The following FOXP2 variants were observed in gnomAD, a reference collection of about 807,000 sequenced individuals.
The protein encoded by FOXP2 is forkhead box protein P2.
Under a neutral mutation model 115.8 loss-of-function variants are expected in FOXP2, and 12 were observed. That is an observed-to-expected ratio of 0.10 (90% confidence interval 0.07 to 0.17). The LOEUF (loss-of-function observed/expected upper bound fraction) is 0.17, where lower values mean the gene tolerates loss of function less well. Among genes scored for constraint, FOXP2 ranks in the 10% least tolerant of loss-of-function variants. FOXP2 has a pLI of 1.00. For synonymous variants in FOXP2, 328 were observed against 297.7 expected, an observed-to-expected ratio of 1.10 and a Z score of -1.05; for missense variants, 629 against 843.5, an observed-to-expected ratio of 0.75 and a Z score of 3.15.
intron 2 of FOXP2, among the ~76,000 whole-genome samples, chr7:114,462,537 A>G (rs894268843): frequency 1.3e-5 from 2 of 151,462 alleles, no homozygotes; most frequent in African/African-American, 4.8e-5. Context: ...ACGCCCTGCT[A>G]ATTTTTGTAT....
intron 2 of FOXP2, among the ~76,000 whole-genome samples, chr7:114,461,193 C>T (rs1267873820): frequency 6.6e-6 from 1 of 152,134 alleles, no homozygotes; most frequent in Non-Finnish European, 1.5e-5. Context: ...TTAGCTTAAA[C>T]TCACCTTAAG....
At chr7:114,245,821 G>T (rs1795268687) in intron 1 of FOXP2, among the ~76,000 whole-genome samples, 1 of 151,332 alleles carries the variant, frequency 6.6e-6, no homozygotes, top group Admixed American at 6.6e-5. Context: ...AAAAAGAACA[G>T]AAAAAAATTT....
At chr7:114,680,640 A>G (rs952711710) in intron 16 of FOXP2, among the ~76,000 whole-genome samples, 8 of 151,748 alleles carry the variant, frequency 5.3e-5, no homozygotes, top group Non-Finnish European at 7.4e-5. Flanking sequence ...ATTTACTGGG[A>G]GGCTGAGGCA....
intron 3 of FOXP2, among the ~76,000 whole-genome samples, chr7:114,618,147 G>T (rs563404780): frequency 6.6e-6 from 1 of 152,176 alleles, no homozygotes; most frequent in East Asian, 1.9e-4. Flanking sequence ...ATGCCACACT[G>T]CAGTCTAATC....
chr7:114,444,384 T>C (rs1337859799), intron 2 of FOXP2, among the ~76,000 whole-genome samples: 1 of 152,180 alleles, frequency 6.6e-6, no homozygotes, highest in Non-Finnish European at 1.5e-5. Flanking sequence ...GTTGAGCTTC[T>C]CAAGTTCTTG....
At chr7:114,330,971 T>A (rs182679416) in intron 2 of FOXP2, among the ~76,000 whole-genome samples, 1 of 152,322 alleles carries the variant, frequency 6.6e-6, no homozygotes, top group African/African-American at 2.4e-5. Flanking sequence ...CAAATATCTA[T>A]TCTAATTTGT....
intron 1 of FOXP2, among the ~76,000 whole-genome samples, chr7:114,420,640 T>C (rs1188790207): frequency 6.6e-6 from 1 of 151,800 alleles, no homozygotes; most frequent in Non-Finnish European, 1.5e-5. Context: ...GGATAACACA[T>C]TGCAAAAAAT....
At position 114,369,204 on chromosome 7, in the gene FOXP2, G is replaced by A. The variant is rs191959962; in HGVS notation, c.-10-57298G>A. 5.8e-3 allele frequency among the ~76,000 whole-genome samples: 878 copies of A among 152,316 alleles called. 4 individuals are homozygous for A. The highest frequency in any genetic ancestry group is 9.0e-3 in the Non-Finnish European group (609 of 68,022). ...AACTGCAAAGCTCTTTTCTAGTGTA[G>A]GAAGTCCAAGAACATCACTTCCGTC... On this transcript the variant is annotated intron_variant, in intron 2 of 17. Coordinates refer to the FOXP2 transcript ENST00000634411.
chr7:114,591,759 A>AT (rs909974776), intron 3 of FOXP2, among the ~76,000 whole-genome samples: 9 of 152,088 alleles, frequency 5.9e-5, no homozygotes, highest in African/African-American at 1.9e-4. Context: ...GCTGATAAGG[A>AT]TTTTTTTCCA....
At chr7:114,526,196 G>A (rs200028199) in intron 2 of FOXP2, among the ~76,000 whole-genome samples, 7 of 25,586 alleles carry the variant, frequency 2.7e-4, no homozygotes, top group African/African-American at 6.9e-4. Context: ...AAAAAAAAAA[G>A]GGCCGGACGC....
intron 3 of FOXP2, chr7:114,570,767 G>GA (rs756770157): frequency 5.7e-5 from 85 of 1,496,950 alleles, no homozygotes; most frequent in Middle Eastern, 1.7e-4. Context: ...CCTTAAGATT[G>GA]AAAAAAAAGC....
intron 2 of FOXP2, among the ~76,000 whole-genome samples, chr7:114,495,803 G>A (rs566012066): frequency 6.6e-6 from 1 of 151,926 alleles, no homozygotes; most frequent in Admixed American, 6.6e-5. Context: ...AACCATGCCC[G>A]GCCACATTTT....
rs1202904573 is a variant in FOXP2, at chr7:114,426,654, A to G, written c.143A>G (p.Glu48Gly). The change falls in exon 2 of 17, where the codon GAA becomes GGA. Residue 48 changes from glutamate (E) to glycine (G), a missense_variant. Physicochemically the swap from Glu to Gly is moderately conservative, Grantham distance 98. Around this residue, in one of 9 missense-constraint regions of FOXP2, gnomAD observed 91 missense variants for 98.3 expected, o/e 0.93. Transcript: ENST00000350908. ...ACCAGCTCTGAAGTAAGCACAGTAGAACTGCTGCATCTGCAACAACAGCAG... is the reference window on the plus strand; with the variant it reads ...ACCAGCTCTGAAGTAAGCACAGTAGGACTGCTGCATCTGCAACAACAGCAG... The part of the protein sequence containing the change: ...GDTSSEVSTV[E>G]LLHLQQQQAL... The G allele has an allele frequency of 1.2e-6, 2 of 1,611,256 alleles. No homozygotes were observed. The highest frequency in any genetic ancestry group is 1.7e-6 in the Non-Finnish European group (2 of 1,178,124).
intron 1 of FOXP2, among the ~76,000 whole-genome samples, chr7:114,272,808 A>T (rs2129173258): frequency 6.6e-6 from 1 of 151,984 alleles, no homozygotes; most frequent in Non-Finnish European, 1.5e-5. Context: ...GATTTCTGAT[A>T]TTAGTAATTT....
At chr7:114,280,807 C>A (rs1193589974) in intron 1 of FOXP2, among the ~76,000 whole-genome samples, 2 of 152,084 alleles carry the variant, frequency 1.3e-5, no homozygotes, top group African/African-American at 4.8e-5. Flanking sequence ...CTACCTGCCT[C>A]AAAAATAATT....
intron 2 of FOXP2, among the ~76,000 whole-genome samples, chr7:114,289,363 T>G (rs1315485966): frequency 6.6e-6 from 1 of 151,910 alleles, no homozygotes; most frequent in African/African-American, 2.4e-5. Context: ...TGTAGCTTGT[T>G]GTGATTTTAT....
At chr7:114,496,579 A>T (rs571661921) in intron 2 of FOXP2, among the ~76,000 whole-genome samples, 17 of 152,314 alleles carry the variant, frequency 1.1e-4, no homozygotes, top group Non-Finnish European at 1.0e-4. Flanking sequence ...GATGAACAAA[A>T]GATAATAATC....
rs573404715 is a variant in FOXP2 at position 114,253,333 on chromosome 7, T to C, written c.-101-34686T>C. 2.0e-5 allele frequency among the ~76,000 whole-genome samples: 3 copies of C among 152,150 alleles called. No individual in the cohort carries two copies. The East Asian group carries it at 5.8e-4, about 29-fold the overall frequency. On this transcript the variant is annotated intron_variant, in intron 1 of 17. Transcript: ENST00000634411. ...CCACTTGGTGCAGAGCTGAGTTCAA[T>C]TCCTGGATATCCTTGTTAACTTTCT... is the stretch of plus-strand genomic sequence containing the variant.
intron 13 of FOXP2, among the ~76,000 whole-genome samples, chr7:114,660,092 A>G (rs924300862): frequency 1.1e-4 from 17 of 152,196 alleles, no homozygotes; most frequent in Admixed American, 1.3e-4. Context: ...ATACCTCATC[A>G]TACAGACTGA....
Sources: allele counts gnomAD v4.1 joint callset (sites outside exome capture counted in the v4.1 genomes callset), GRCh38; gene constraint gnomAD v4.1.1; regional missense constraint gnomAD v4.1.1; transcripts MANE v1.5; gene names NCBI Gene and HGNC (gene_info 2026-07-23, HGNC 2026-07-21).